The following RPS6KC1 variants were observed in gnomAD, a reference collection of about 807,000 sequenced individuals.
The protein encoded by RPS6KC1 is inactive ribosomal protein S6 kinase delta-1.
Under a neutral mutation model 103.8 loss-of-function variants are expected in RPS6KC1, and 54 were observed. The observed-to-expected ratio is 0.52, with a 90% CI of 0.42 to 0.65. The LOEUF (loss-of-function observed/expected upper bound fraction) is 0.65, where lower values mean the gene tolerates loss of function less well. RPS6KC1 is among the 30% of genes least tolerant of loss of function. The pLI, the probability that RPS6KC1 is intolerant of heterozygous loss-of-function variation, is 0.00. For synonymous variants in RPS6KC1, 439 were observed against 438.7 expected (o/e 1.00, Z -0.01); for missense variants, 1,151 against 1,253.8 (o/e 0.92, Z 1.24).
At chr1:213,374,920 T>C in the RPS6KC1 span, among the ~76,000 whole-genome samples, 2 of 152,156 alleles carry the variant, frequency 1.3e-5, no homozygotes, top group Non-Finnish European at 2.9e-5. Context: ...GCGAACAGTT[T>C]CCAGGATTTT....
At chr1:213,216,243 A>G (rs552186766) in intron 8 of RPS6KC1, among the ~76,000 whole-genome samples, 1 of 152,346 alleles carries the variant, frequency 6.6e-6, no homozygotes, top group South Asian at 2.1e-4. Context: ...CTCTGATAAA[A>G]CAGACTTTTA....
At chr1:213,295,206 G>A in the RPS6KC1 span, among the ~76,000 whole-genome samples, 2 of 152,180 alleles carry the variant, frequency 1.3e-5, no homozygotes, top group Non-Finnish European at 2.9e-5. Context: ...CCAATGGGAT[G>A]ATTTCTTGGA....
chr1:213,744,263 C>A, the RPS6KC1 span, among the ~76,000 whole-genome samples: 1 of 151,620 alleles, frequency 6.6e-6, no homozygotes, highest in Non-Finnish European at 1.5e-5. Flanking sequence ...TCCATGTAAA[C>A]AAAAACCACC....
At chr1:213,240,515 C>T (rs919824446) in intron 10 of RPS6KC1, among the ~76,000 whole-genome samples, 187 bp from the exon 11 acceptor site, 3 of 151,650 alleles carry the variant, frequency 2.0e-5, no homozygotes, top group Non-Finnish European at 4.4e-5. Flanking sequence ...TGCTTGAAAC[C>T]GTACTCACCA....
intron 8 of RPS6KC1, among the ~76,000 whole-genome samples, chr1:213,196,779 A>G (rs2092963158): frequency 6.6e-6 from 1 of 152,168 alleles, no homozygotes. Flanking sequence ...TTTGTTGAAG[A>G]TCAGTTGGCT....
the RPS6KC1 span, among the ~76,000 whole-genome samples, chr1:213,368,853 A>G: frequency 2.0e-5 from 3 of 152,234 alleles, no homozygotes; most frequent in African/African-American, 4.8e-5. Context: ...TGAGATTCCT[A>G]TAATTTGAAG....
chr1:213,202,316 A>G (rs2093193027), intron 8 of RPS6KC1, among the ~76,000 whole-genome samples: 2 of 152,184 alleles, frequency 1.3e-5, no homozygotes, highest in South Asian at 4.1e-4. Context: ...ATAGCATTTA[A>G]AAAAACTACA....
the RPS6KC1 span, among the ~76,000 whole-genome samples, chr1:213,502,142 C>A: frequency 6.6e-6 from 1 of 152,216 alleles, no homozygotes; most frequent in Non-Finnish European, 1.5e-5. Flanking sequence ...TATTTCCCAG[C>A]AACTTTCATT....
intron 6 of RPS6KC1, among the ~76,000 whole-genome samples, chr1:213,159,053 T>A (rs2148049986): frequency 6.6e-6 from 1 of 152,278 alleles, no homozygotes; most frequent in Non-Finnish European, 1.5e-5. Context: ...TATGTTTTGC[T>A]TCTTCATTTG....
At chr1:213,789,900 A>G in the RPS6KC1 span, among the ~76,000 whole-genome samples, 2 of 152,032 alleles carry the variant, frequency 1.3e-5, no homozygotes, top group Non-Finnish European at 2.9e-5. Flanking sequence ...CTATTAAATA[A>G]GTGTTGTGTT....
the RPS6KC1 span, among the ~76,000 whole-genome samples, chr1:213,788,906 C>CAA: frequency 6.6e-6 from 1 of 151,792 alleles, no homozygotes; most frequent in Admixed American, 6.6e-5. Flanking sequence ...CACACACACA[C>CAA]AAAGTTTCTT....
chr1:213,052,685 C>T (rs1172818148), intron 1 of RPS6KC1, among the ~76,000 whole-genome samples: 1 of 152,064 alleles, frequency 6.6e-6, no homozygotes, highest in African/African-American at 2.4e-5. Context: ...GGATTACAGG[C>T]ATGTGCTACC....
At chr1:213,205,536 T>TAATATATATATATATATATATATA (rs1553378413) in intron 8 of RPS6KC1, 1 of 82,292 alleles carries the variant, frequency 1.2e-5, no homozygotes, top group Non-Finnish European at 2.5e-5. Flanking sequence ...ACAAACTCAT[T>TAATATATATATATATATATATATA]TATATATATA....
intron 8 of RPS6KC1, among the ~76,000 whole-genome samples, chr1:213,208,537 T>C (rs1021755793): frequency 3.3e-5 from 5 of 152,192 alleles, no homozygotes; most frequent in Non-Finnish European, 4.4e-5. Flanking sequence ...ACAATCTAGA[T>C]GTTTTGTTGG....
At chr1:213,303,872 C>T in the RPS6KC1 span, among the ~76,000 whole-genome samples, 3 of 152,032 alleles carry the variant, frequency 2.0e-5, no homozygotes, top group East Asian at 3.9e-4. Context: ...GCCATTGTAC[C>T]GAACATTAAT....
chr1:213,767,961 G>A, the RPS6KC1 span, among the ~76,000 whole-genome samples: 2,228 of 152,254 alleles, frequency 0.015, 60 homozygotes, highest in Admixed American at 0.067. Flanking sequence ...AATGAATAAA[G>A]GCAAGCAGAT....
chr1:213,073,252 A>G (rs1340114124), intron 2 of RPS6KC1, among the ~76,000 whole-genome samples: 1 of 152,220 alleles, frequency 6.6e-6, no homozygotes, highest in Non-Finnish European at 1.5e-5. Flanking sequence ...CTATATAGTA[A>G]AGCTTCACAA....
chr1:213,108,348 A>G (rs1364630766), intron 4 of RPS6KC1, among the ~76,000 whole-genome samples: 3 of 152,144 alleles, frequency 2.0e-5, no homozygotes, highest in Non-Finnish European at 4.4e-5. Flanking sequence ...TGAAAAGACT[A>G]TCCTCATTGA....
chr1:213,516,817 T>C, the RPS6KC1 span, among the ~76,000 whole-genome samples: 1 of 152,234 alleles, frequency 6.6e-6, no homozygotes, highest in Non-Finnish European at 1.5e-5. Flanking sequence ...AGCTCCTCCT[T>C]ATACCTCTGG....
Sources: allele counts gnomAD v4.1 joint callset (sites outside exome capture counted in the v4.1 genomes callset), GRCh38; gene constraint gnomAD v4.1.1; transcripts MANE v1.5; gene names NCBI Gene and HGNC (gene_info 2026-07-23, HGNC 2026-07-21).